Variants in WWOX observed in about 807,000 individuals in gnomAD.
WWOX encodes WW domain containing oxidoreductase, also known as WW domain-containing oxidoreductase.
A neutral mutation model predicts 46.2 loss-of-function variants in WWOX; 69 were observed. The ratio of observed to expected loss-of-function variants is 1.49; its 90% CI spans 1.23 to 1.82. The LOEUF is 1.82. Among genes scored for constraint, WWOX ranks in the 40% most tolerant of loss-of-function variants. The pLI is 0.00. For synonymous variants in WWOX, 359 were observed against 202.6 expected, an observed-to-expected ratio of 1.77 and a Z score of -6.56; for missense variants, 919 against 542.6, an observed-to-expected ratio of 1.69 and a Z score of -6.89.
At chr16:78,311,363 TC>T (rs1392722873) in intron 5 of WWOX, among the ~76,000 whole-genome samples, 4 of 152,162 alleles carry the variant, frequency 2.6e-5, no homozygotes, top group Admixed American at 2.6e-4. Context: ...AGAATTCAGT[TC>T]CTACCACAAG....
chr16:78,980,550 T>G (rs2046660533), intron 8 of WWOX, among the ~76,000 whole-genome samples: 1 of 152,232 alleles, frequency 6.6e-6, no homozygotes, highest in Non-Finnish European at 1.5e-5. Context: ...TTTATTTATT[T>G]TGTCTTTTAC....
intron 8 of WWOX, among the ~76,000 whole-genome samples, chr16:78,835,542 A>C (rs760376655): frequency 4.6e-5 from 7 of 152,232 alleles, no homozygotes; most frequent in African/African-American, 1.7e-4. Context: ...GCACTTAAGA[A>C]TGTTCACACA....
chr16:78,638,479 G>T (rs1020855689), intron 8 of WWOX, among the ~76,000 whole-genome samples: 1 of 151,932 alleles, frequency 6.6e-6, no homozygotes, highest in African/African-American at 2.4e-5. Flanking sequence ...GACCCAGCTT[G>T]TTGGCCTTGG....
chr16:78,301,147 A>G (rs78867184), intron 5 of WWOX, among the ~76,000 whole-genome samples: 7,294 of 152,326 alleles, frequency 0.048, 235 homozygotes, highest in Middle Eastern at 0.085. Flanking sequence ...CACAACTATC[A>G]TCATTATCAT....
intron 5 of WWOX, among the ~76,000 whole-genome samples, chr16:78,173,517 C>T (rs763294803): frequency 6.7e-6 from 1 of 149,834 alleles, no homozygotes; most frequent in South Asian, 2.1e-4. Context: ...AGGCTAGTCT[C>T]GAATTCCTCT....
chr16:78,708,415 T>C (rs748332650), intron 8 of WWOX, among the ~76,000 whole-genome samples: 2 of 152,178 alleles, frequency 1.3e-5, no homozygotes, highest in Non-Finnish European at 2.9e-5. Context: ...TGACATCTTT[T>C]TGTTTCTGCC....
intron 8 of WWOX, among the ~76,000 whole-genome samples, chr16:79,190,300 C>T (rs1486711908): frequency 2.6e-5 from 4 of 152,132 alleles, no homozygotes; most frequent in African/African-American, 4.8e-5. Flanking sequence ...GCTGGGATTA[C>T]AGGCGTGAGC....
intron 8 of WWOX, among the ~76,000 whole-genome samples, chr16:79,088,975 A>T (rs551731616): frequency 6.6e-6 from 1 of 152,326 alleles, no homozygotes; most frequent in South Asian, 2.1e-4. Flanking sequence ...GAGGGAGTAT[A>T]GGATGAACTC....
intron 8 of WWOX, among the ~76,000 whole-genome samples, chr16:79,078,903 C>G (rs6564641): frequency 0.47 from 72,115 of 151,978 alleles, 17,433 homozygotes; most frequent in African/African-American, 0.55. Flanking sequence ...TAAATACTTC[C>G]TTTATTTCCC....
chr16:78,159,817 C>T (rs1020222688), intron 4 of WWOX, among the ~76,000 whole-genome samples: 6 of 151,344 alleles, frequency 4.0e-5, no homozygotes, highest in East Asian at 2.0e-4. Flanking sequence ...TTTTCTTTAA[C>T]GTGCAGAAGC....
At chr16:79,097,865 C>G (rs937759159) in intron 8 of WWOX, among the ~76,000 whole-genome samples, 2 of 152,116 alleles carry the variant, frequency 1.3e-5, no homozygotes, top group African/African-American at 4.8e-5. Flanking sequence ...TTGCATCTTG[C>G]CTCACATCTG....
intron 5 of WWOX, among the ~76,000 whole-genome samples, chr16:78,326,545 T>G (rs1463164269): frequency 7.4e-6 from 1 of 135,492 alleles, no homozygotes; most frequent in Non-Finnish European, 1.5e-5. Context: ...TTACTTAACC[T>G]CTCTGGCTTT....
intron 8 of WWOX, among the ~76,000 whole-genome samples, chr16:78,802,915 G>GAA (rs71376394): frequency 0.013 from 135 of 10,420 alleles, 27 homozygotes; most frequent in Admixed American, 0.028. Context: ...GACTTCATCT[G>GAA]AAAAAAAAAA....
chr16:78,322,861 G>A (rs1199825606), intron 5 of WWOX, among the ~76,000 whole-genome samples: 1 of 152,080 alleles, frequency 6.6e-6, no homozygotes, highest in African/African-American at 2.4e-5. Context: ...AATTATGTAT[G>A]GACATGGAAA....
intron 5 of WWOX, among the ~76,000 whole-genome samples, chr16:78,351,829 A>G (rs569389641): frequency 6.6e-6 from 1 of 151,982 alleles, no homozygotes; most frequent in Non-Finnish European, 1.5e-5. Context: ...GCTAATTTTT[A>G]TATTTTTACT....
At chr16:78,124,571 A>G (rs2033274751) in intron 4 of WWOX, among the ~76,000 whole-genome samples, 1 of 152,178 alleles carries the variant, frequency 6.6e-6, no homozygotes, top group Non-Finnish European at 1.5e-5. Flanking sequence ...AGGTTCCAAT[A>G]GCTCGCTTTT....
chr16:78,390,340 C>T (rs1182911205), intron 6 of WWOX, among the ~76,000 whole-genome samples: 1 of 152,198 alleles, frequency 6.6e-6, no homozygotes, highest in Admixed American at 6.5e-5. Context: ...GTTGGGAAAT[C>T]ATCAAGTTCA....
At chr16:78,550,792 A>G (rs1333087942) in intron 8 of WWOX, 3 of 152,156 alleles carry the variant, frequency 2.0e-5, no homozygotes, top group Non-Finnish European at 2.9e-5. Flanking sequence ...AACTTGGGAA[A>G]AAGTCAGGAG....
intron 8 of WWOX, among the ~76,000 whole-genome samples, chr16:79,038,095 A>T (rs988371): frequency 2.6e-4 from 39 of 152,216 alleles, no homozygotes; most frequent in African/African-American, 8.9e-4. Flanking sequence ...TCAGATGAGC[A>T]GTTGGGAGAG....
Sources: gnomAD v4.1 joint callset for allele counts (sites outside exome capture counted in the v4.1 genomes callset) on GRCh38, gnomAD v4.1.1 for gene constraint, MANE v1.5 for transcripts, NCBI Gene and HGNC (gene_info 2026-07-23, HGNC 2026-07-21) for gene names.